The following FTCDNL1 variants were observed in gnomAD, a reference collection of about 807,000 sequenced individuals.
The protein encoded by FTCDNL1 is formiminotransferase cyclodeaminase N-terminal like.
Under a neutral mutation model 5.9 loss-of-function variants are expected in FTCDNL1, and 11 were observed. The ratio of observed to expected loss-of-function variants is 1.87; its 90% CI spans 1.18 to 3.10. The LOEUF is 3.10. Among genes scored for constraint, FTCDNL1 ranks in the 30% most tolerant of loss-of-function variants. The probability of loss-of-function intolerance (pLI) is 0.00; values close to 1 mark genes in which losing one functional copy is unlikely to be tolerated. For missense variants in FTCDNL1, 115 were observed against 65.5 expected (o/e 1.76, Z -2.61); for synonymous variants, 58 against 24.8 (o/e 2.34, Z -3.99).
At chr2:199,767,131 T>C (rs1698574968) in intron 3 of FTCDNL1, among the ~76,000 whole-genome samples, 1 of 152,230 alleles carries the variant, frequency 6.6e-6, no homozygotes, top group East Asian at 1.9e-4. Flanking sequence ...AAAATGATTT[T>C]CTATAAAAAT....
the FTCDNL1 span, among the ~76,000 whole-genome samples, chr2:199,742,007 G>A: frequency 2.0e-5 from 3 of 152,002 alleles, no homozygotes; most frequent in Non-Finnish European, 2.9e-5. Context: ...CTTGCCTACC[G>A]TCTCCAGCTT....
chr2:199,823,687 A>AGATG lies in FTCDNL1; in HGVS notation c.212-3931_212-3930insCATC, dbSNP rs545665944. Among the ~76,000 whole-genome samples, 16 of 152,368 alleles carry AGATG rather than the reference A, an allele frequency of 1.1e-4. No individual in the cohort carries two copies. The South Asian group carries it at 3.3e-3, about 32-fold the overall frequency. On this transcript the variant is annotated intron_variant, in intron 3 of 4. Transcript: ENST00000420128. ...GTGGGCTTAAGATATTCAGTAAACC[A>AGATG]TGCTGTAAACAGATGTGCTGTCATC...
intron 3 of FTCDNL1, among the ~76,000 whole-genome samples, chr2:199,780,540 G>T (rs1007011144): frequency 3.3e-5 from 5 of 152,174 alleles, no homozygotes; most frequent in African/African-American, 1.2e-4. Context: ...GAATTGCCAT[G>T]CTTCTCTTCC....
At chr2:199,765,491 G>A (rs1698468625) in intron 3 of FTCDNL1, among the ~76,000 whole-genome samples, 1 of 143,498 alleles carries the variant, frequency 7.0e-6, no homozygotes, top group Non-Finnish European at 1.5e-5. Context: ...GGAAATCCTA[G>A]CCTGAAACTA....
chr2:199,721,283 C>T, the FTCDNL1 span, among the ~76,000 whole-genome samples: 1 of 152,106 alleles, frequency 6.6e-6, no homozygotes, highest in African/African-American at 2.4e-5. Flanking sequence ...TCCCCCTACT[C>T]CCAACAGGCT....
the FTCDNL1 span, among the ~76,000 whole-genome samples, chr2:199,669,788 G>T: frequency 6.6e-6 from 1 of 152,024 alleles, no homozygotes; most frequent in Non-Finnish European, 1.5e-5. Flanking sequence ...TCTTACCTCC[G>T]TCCTTGATTT....
At chr2:199,775,047 A>G (rs2106302559) in intron 3 of FTCDNL1, among the ~76,000 whole-genome samples, 1 of 152,344 alleles carries the variant, frequency 6.6e-6, no homozygotes, top group African/African-American at 2.4e-5. Context: ...TTTCAGTGCT[A>G]TAGAATGCCA....
intron 3 of FTCDNL1, among the ~76,000 whole-genome samples, chr2:199,800,650 A>G (rs1389404015): frequency 6.6e-6 from 1 of 152,238 alleles, no homozygotes; most frequent in Non-Finnish European, 1.5e-5. Flanking sequence ...TGCAAATGAT[A>G]GTAATCTGTC....
intron 3 of FTCDNL1, among the ~76,000 whole-genome samples, chr2:199,771,449 G>C (rs941044439): frequency 8.5e-5 from 13 of 152,086 alleles, no homozygotes; most frequent in African/African-American, 3.1e-4. Flanking sequence ...AATTAATTTT[G>C]CTTCTTGAAC....
chr2:199,842,532 T>C (rs926042905), intron 3 of FTCDNL1, among the ~76,000 whole-genome samples: 5 of 152,204 alleles, frequency 3.3e-5, no homozygotes, highest in Non-Finnish European at 7.3e-5. Flanking sequence ...ATATACACAA[T>C]GCACATGCGT....
chr2:199,813,255 G>A (rs1378264197), intron 4 of FTCDNL1, among the ~76,000 whole-genome samples: 2 of 152,172 alleles, frequency 1.3e-5, no homozygotes, highest in Non-Finnish European at 2.9e-5. Context: ...AAATGGAAAA[G>A]CAGCACTCAG....
intron 3 of FTCDNL1, among the ~76,000 whole-genome samples, chr2:199,799,862 T>G (rs956809932): frequency 6.6e-6 from 1 of 151,874 alleles, no homozygotes; most frequent in Non-Finnish European, 1.5e-5. Flanking sequence ...GAAGGAAAGG[T>G]GAGAAAGAAA....
chr2:199,813,739 C>T (rs928345679), intron 4 of FTCDNL1, among the ~76,000 whole-genome samples: 1 of 151,734 alleles, frequency 6.6e-6, no homozygotes, highest in South Asian at 2.1e-4. Context: ...TGTGAAACCC[C>T]GTCTCTACTG....
intron 3 of FTCDNL1, among the ~76,000 whole-genome samples, chr2:199,837,129 A>G (rs1197218482): frequency 6.6e-6 from 1 of 152,188 alleles, no homozygotes; most frequent in Non-Finnish European, 1.5e-5. Context: ...GTTTTACAGT[A>G]GTTGGTAGAC....
chr2:199,849,693 A>T (rs1203538695), intron 1 of FTCDNL1, among the ~76,000 whole-genome samples: 1 of 152,176 alleles, frequency 6.6e-6, no homozygotes, highest in Admixed American at 6.5e-5. Flanking sequence ...ACTTTTTAGT[A>T]CTCTAGAATA....
chr2:199,711,787 C>A, the FTCDNL1 span, among the ~76,000 whole-genome samples: 1 of 152,130 alleles, frequency 6.6e-6, no homozygotes, highest in East Asian at 1.9e-4. Context: ...TGGAAGCAAC[C>A]AAAGGGATGG....
chr2:199,703,090 A>T, the FTCDNL1 span, among the ~76,000 whole-genome samples: 4 of 152,020 alleles, frequency 2.6e-5, no homozygotes, highest in Non-Finnish European at 5.9e-5. Context: ...GTTTTAGGGT[A>T]CACGTGCACA....
the FTCDNL1 span, among the ~76,000 whole-genome samples, chr2:199,693,917 A>G: frequency 7.9e-5 from 12 of 152,190 alleles, no homozygotes; most frequent in Non-Finnish European, 1.2e-4. Flanking sequence ...GGATTGGAAT[A>G]TGGGTTTAGG....
the FTCDNL1 span, among the ~76,000 whole-genome samples, chr2:199,703,549 T>A: frequency 1.3e-5 from 2 of 152,204 alleles, no homozygotes; most frequent in Non-Finnish European, 2.9e-5. Flanking sequence ...ATATGTCTTG[T>A]AGGAAGTTTA....
Sources: allele counts gnomAD v4.1 joint callset (sites outside exome capture counted in the v4.1 genomes callset), GRCh38; gene constraint gnomAD v4.1.1; transcripts MANE v1.5; gene names NCBI Gene and HGNC (gene_info 2026-07-23, HGNC 2026-07-21).